LINGO2: variants seen among roughly 807,000 people sequenced by gnomAD.
LINGO2 encodes leucine rich repeat and Ig domain containing 2.
In LINGO2, 14 loss-of-function variants were observed where a neutral mutation model predicts 30.6. The observed-to-expected ratio is 0.46, with a 90% CI of 0.30 to 0.72. LINGO2 has a LOEUF of 0.72. Among genes scored for constraint, LINGO2 ranks in the 30% least tolerant of loss-of-function variants. LINGO2 has a pLI of 0.07. For missense variants in LINGO2, 729 were observed against 751.7 expected (o/e 0.97, Z 0.35); for synonymous variants, 317 against 288.5 (o/e 1.10, Z -1.00).
chr9:28,588,113 C>A lies in LINGO2; in HGVS notation c.-365+82087G>T, dbSNP rs1370530956. 2.6e-5 allele frequency among the ~76,000 whole-genome samples: 4 copies of A among 152,102 alleles called. No individual in the cohort carries two copies. In the East Asian group the frequency reaches 7.8e-4, roughly 30 times the overall value. On this transcript the variant is annotated intron_variant, in intron 1 of 5. Transcript: ENST00000379992. ...AAAGAATCATATAAGGATTTGAACA[C>A]ACTGGGGCTAGAAAGTGACTTGTCC... is the stretch of plus-strand genomic sequence containing the variant.
chr9:28,022,365 T>G (rs1823172107), intron 4 of LINGO2, among the ~76,000 whole-genome samples: 2 of 152,056 alleles, frequency 1.3e-5, no homozygotes, highest in African/African-American at 2.4e-5. Context: ...AGATTAGAAG[T>G]AAGAAAAATA....
chr9:28,940,076 C>G, the LINGO2 span, among the ~76,000 whole-genome samples: 1 of 152,238 alleles, frequency 6.6e-6, no homozygotes, highest in Middle Eastern at 3.4e-3. Flanking sequence ...TCTACATTGC[C>G]TTGCATCAGC....
At chr9:28,097,403 C>T (rs554347606) in intron 4 of LINGO2, among the ~76,000 whole-genome samples, 1 of 147,582 alleles carries the variant, frequency 6.8e-6, no homozygotes, top group African/African-American at 2.5e-5. Context: ...TATTGCGGCA[C>T]TATTCACAAT....
At chr9:28,557,488 C>T (rs1472169092) in intron 1 of LINGO2, among the ~76,000 whole-genome samples, 9 of 152,042 alleles carry the variant, frequency 5.9e-5, no homozygotes, top group Non-Finnish European at 1.2e-4. Context: ...ATTAAAAAGT[C>T]AGAAAACGAC....
At chr9:28,218,821 C>A (rs930281709) in intron 4 of LINGO2, among the ~76,000 whole-genome samples, 2 of 152,084 alleles carry the variant, frequency 1.3e-5, no homozygotes, top group South Asian at 4.1e-4. Context: ...TTTCACTATT[C>A]CCTGCCTGGA....
rs534571799 is a variant in LINGO2, at chr9:28,581,398, C to G, written c.-365+88802G>C. Among the ~76,000 whole-genome samples, 25 of 151,768 alleles carry G rather than the reference C, an allele frequency of 1.6e-4. No individual in the cohort carries two copies. In the South Asian group the frequency reaches 5.0e-3, roughly 30 times the overall value. Reference sequence around the variant, plus strand: ...ACTGACTGCACTGTTTCAGCTTTTTCTAAGTGTATAGAAACTTTTAAAAAT... The same window carrying G: ...ACTGACTGCACTGTTTCAGCTTTTTGTAAGTGTATAGAAACTTTTAAAAAT... On this transcript the variant is annotated intron_variant, in intron 1 of 5. Transcript: ENST00000379992.
intron 5 of LINGO2, among the ~76,000 whole-genome samples, chr9:27,985,228 TG>T (rs1821070141): frequency 1.3e-5 from 2 of 151,874 alleles, no homozygotes; most frequent in Admixed American, 1.3e-4. Context: ...ATATACAACA[TG>T]TATTTTTCTT....
At chr9:28,549,368 G>A (rs1822147895) in intron 1 of LINGO2, among the ~76,000 whole-genome samples, 2 of 152,048 alleles carry the variant, frequency 1.3e-5, no homozygotes. Flanking sequence ...GATGAATATT[G>A]AGGTTGTTTA....
chr9:28,805,452 T>C, the LINGO2 span, among the ~76,000 whole-genome samples: 1 of 152,178 alleles, frequency 6.6e-6, no homozygotes, highest in Admixed American at 6.5e-5. Flanking sequence ...TCTCTATATC[T>C]ATCTAATTCC....
At chr9:28,773,413 G>A in the LINGO2 span, among the ~76,000 whole-genome samples, 2 of 151,186 alleles carry the variant, frequency 1.3e-5, no homozygotes, top group South Asian at 2.1e-4. Context: ...AGTGTTTGAA[G>A]GATAGCTATT....
At chr9:28,554,078 A>T (rs1409396412) in intron 1 of LINGO2, among the ~76,000 whole-genome samples, 1 of 152,064 alleles carries the variant, frequency 6.6e-6, no homozygotes, top group Non-Finnish European at 1.5e-5. Context: ...GACTAGGAAG[A>T]AACTGCATCA....
intron 1 of LINGO2, among the ~76,000 whole-genome samples, chr9:28,657,953 T>C (rs990123565): frequency 2.0e-5 from 3 of 152,012 alleles, no homozygotes; most frequent in Non-Finnish European, 4.4e-5. Context: ...ATTTTTATCT[T>C]CATTACTCTT....
At chr9:28,770,726 GTT>G in the LINGO2 span, among the ~76,000 whole-genome samples, 2 of 152,100 alleles carry the variant, frequency 1.3e-5, no homozygotes, top group Non-Finnish European at 2.9e-5. Flanking sequence ...AAACACACAG[GTT>G]AATATATGGT....
the LINGO2 span, among the ~76,000 whole-genome samples, chr9:28,918,561 T>C: frequency 0.9 from 136,413 of 152,244 alleles, 61,402 homozygotes; most frequent in Non-Finnish European, 0.94. Context: ...CAATGGAACA[T>C]CTGACTTAGG....
chr9:28,193,750 T>C (rs74360695), intron 4 of LINGO2, among the ~76,000 whole-genome samples: 4,846 of 152,318 alleles, frequency 0.032, 231 homozygotes, highest in African/African-American at 0.1. Flanking sequence ...AAAGAACTTT[T>C]GACAGTTCTG....
At chr9:29,014,290 T>G in the LINGO2 span, among the ~76,000 whole-genome samples, 6 of 152,130 alleles carry the variant, frequency 3.9e-5, no homozygotes, top group Non-Finnish European at 7.3e-5. Flanking sequence ...ACAATTGAAA[T>G]TTCTTGTCCC....
At chr9:28,194,687 T>G (rs13285653) in intron 4 of LINGO2, among the ~76,000 whole-genome samples, 15,795 of 149,138 alleles carry the variant, frequency 0.11, 894 homozygotes, top group Middle Eastern at 0.16. Context: ...GACATAGAAA[T>G]CAGGAAAAGA....
At chr9:28,726,341 A>C in the LINGO2 span, among the ~76,000 whole-genome samples, 8 of 152,134 alleles carry the variant, frequency 5.3e-5, no homozygotes, top group Non-Finnish European at 1.2e-4. Flanking sequence ...CTACAAGGAA[A>C]ATAATAAGTT....
At chr9:28,343,005 G>A (rs1252050498) in intron 3 of LINGO2, among the ~76,000 whole-genome samples, 4 of 152,094 alleles carry the variant, frequency 2.6e-5, no homozygotes, top group Non-Finnish European at 5.9e-5. Context: ...GATTTCTAAG[G>A]GATTGCAAAA....
Sources: gnomAD v4.1 joint callset for allele counts (sites outside exome capture counted in the v4.1 genomes callset) on GRCh38, gnomAD v4.1.1 for gene constraint, MANE v1.5 for transcripts, NCBI Gene and HGNC (gene_info 2026-07-23, HGNC 2026-07-21) for gene names.